Variants in COP1 observed in about 807,000 individuals in gnomAD.
The protein encoded by COP1 is COP1 E3 ubiquitin ligase.
In COP1, 24 loss-of-function variants were observed where a neutral mutation model predicts 101.3. That is an observed-to-expected ratio of 0.24 (90% CI 0.17 to 0.33). COP1 has a LOEUF of 0.33. COP1 is among the 10% of genes least tolerant of loss of function. The pLI, the probability that COP1 is intolerant of heterozygous loss-of-function variation, is 1.00. For missense variants in COP1, 663 were observed against 906.2 expected (o/e 0.73, Z 3.45); for synonymous variants, 347 against 341.9 (o/e 1.01, Z -0.17).
At chr1:176,053,003 C>G (rs1384017787) in intron 11 of COP1, among the ~76,000 whole-genome samples, 2 of 151,474 alleles carry the variant, frequency 1.3e-5, no homozygotes, top group African/African-American at 4.9e-5. Context: ...TTAAACAATG[C>G]TGGGGAAAAA....
At chr1:176,043,036 A>T in intron 14 of COP1, 150 bp downstream of exon 14, 1 of 612,484 alleles carries the variant, frequency 1.6e-6, no homozygotes, top group East Asian at 2.8e-5. Flanking sequence ...CTCAAAAAAC[A>T]AAACAAAACA....
In COP1 at chr1:176,133,184, ATACG is replaced by A. The variant is rs978525251; in HGVS notation, c.968+1822_968+1825del. ...TATACGTATGTACACACATACGTAT[ATACG>A]TACGTATATGTACGTATGTACACAC... On this transcript the variant is annotated intron_variant, in intron 8 of 19. Coordinates refer to ENST00000367669, the MANE Select transcript of COP1 (RefSeq NM_022457.7). 6.9e-5 allele frequency among the ~76,000 whole-genome samples: 9 copies of A among 130,800 alleles called. 1 individual carries two copies. The highest frequency in any genetic ancestry group is 1.2e-4 in the African/African-American group (5 of 40,264). 85.8% of individuals were successfully genotyped at this position (130,800 alleles called of 152,430 possible).
At chr1:176,198,730 T>C (rs1481461530) in intron 1 of COP1, among the ~76,000 whole-genome samples, 1 of 152,096 alleles carries the variant, frequency 6.6e-6, no homozygotes, top group African/African-American at 2.4e-5. Context: ...ACAAAAGATG[T>C]ATGCAGAATA....
At chr1:176,031,828 C>G (rs1330602044) in intron 14 of COP1, among the ~76,000 whole-genome samples, 1 of 152,136 alleles carries the variant, frequency 6.6e-6, no homozygotes, top group Non-Finnish European at 1.5e-5. Context: ...CTTAAAAAAT[C>G]CAACTACACT....
At chr1:176,036,507 CAA>C (rs77138527) in intron 14 of COP1, among the ~76,000 whole-genome samples, 5 of 127,338 alleles carry the variant, frequency 3.9e-5, no homozygotes, top group Admixed American at 7.7e-5. Context: ...AACAAAAAAA[CAA>C]AAAAAAAAAA....
chr1:175,947,149 TA>T, intron 19 of COP1, 45 bp downstream of exon 19: 2 of 1,330,950 alleles, frequency 1.5e-6, no homozygotes, highest in African/African-American at 1.4e-5. Context: ...TGTTTCAGTC[TA>T]AAAATGGGCC....
intron 5 of COP1, among the ~76,000 whole-genome samples, chr1:176,161,739 A>G (rs1255250314): frequency 6.6e-6 from 1 of 152,246 alleles, no homozygotes; most frequent in Non-Finnish European, 1.5e-5. Context: ...GGCAAACAGT[A>G]GATGCTAATA....
chr1:176,162,832 T>A (rs934711910), intron 5 of COP1, 37 bp downstream of exon 5: 39 of 1,548,080 alleles, frequency 2.5e-5, no homozygotes, highest in Non-Finnish European at 3.1e-5. Context: ...ATAAAGTTCA[T>A]CATTTAAAAT....
At chr1:176,067,818 A>C (rs1676270854) in intron 11 of COP1, among the ~76,000 whole-genome samples, 1 of 152,192 alleles carries the variant, frequency 6.6e-6, no homozygotes, top group Admixed American at 6.5e-5. Flanking sequence ...ATTCTATAAC[A>C]CATGCCCACT....
chr1:176,205,845 G>C (rs1700786159), intron 1 of COP1, among the ~76,000 whole-genome samples: 1 of 152,200 alleles, frequency 6.6e-6, no homozygotes, highest in Admixed American at 6.5e-5. Context: ...CTGTTATCCA[G>C]TATAGTACAG....
At chr1:176,052,980 T>C (rs910788515) in intron 11 of COP1, among the ~76,000 whole-genome samples, 22 of 152,088 alleles carry the variant, frequency 1.4e-4, no homozygotes, top group African/African-American at 4.6e-4. Flanking sequence ...ATTTCACTTC[T>C]AGTCTTTCAC....
chr1:176,141,667 T>A (rs1291552550), intron 6 of COP1, among the ~76,000 whole-genome samples: 1 of 151,944 alleles, frequency 6.6e-6, no homozygotes, highest in Non-Finnish European at 1.5e-5. Context: ...ATACTTCATA[T>A]CTAGTTCCTG....
At chr1:175,997,002 T>C (rs1374215864) in intron 15 of COP1, among the ~76,000 whole-genome samples, 1 of 150,978 alleles carries the variant, frequency 6.6e-6, no homozygotes, top group Non-Finnish European at 1.5e-5. Context: ...CAAACTATAC[T>C]ACAAGGCTAC....
intron 15 of COP1, among the ~76,000 whole-genome samples, chr1:176,025,678 C>A (rs1412141864): frequency 1.3e-5 from 2 of 151,846 alleles, no homozygotes; most frequent in African/African-American, 4.8e-5. Context: ...CTGCTTGAGC[C>A]CAGGAGTTTG....
chr1:176,050,787 C>T (rs1264638775), intron 11 of COP1, among the ~76,000 whole-genome samples: 1 of 152,154 alleles, frequency 6.6e-6, no homozygotes, highest in East Asian at 1.9e-4. Context: ...AGCTTCAAAT[C>T]TCCACTGTAT....
At chr1:176,025,188 A>C (rs1571759306) in intron 15 of COP1, among the ~76,000 whole-genome samples, 1 of 152,292 alleles carries the variant, frequency 6.6e-6, no homozygotes, top group East Asian at 1.9e-4. Flanking sequence ...TTTCAAAAGT[A>C]GATATTCTAA....
At chr1:176,007,934 TC>T (rs1663753988) in intron 15 of COP1, among the ~76,000 whole-genome samples, 1 of 151,026 alleles carries the variant, frequency 6.6e-6, no homozygotes, top group Non-Finnish European at 1.5e-5. Flanking sequence ...CGGGCGCCCC[TC>T]CCCCAGCCTC....
chr1:175,988,014 T>C (rs1467542871), intron 17 of COP1, among the ~76,000 whole-genome samples: 1 of 152,134 alleles, frequency 6.6e-6, no homozygotes, highest in African/African-American at 2.4e-5. Flanking sequence ...ATCTAAAGAA[T>C]TATGTTATAA....
intron 7 of COP1, 74 bp downstream of exon 7, chr1:176,136,414 C>A: frequency 3.1e-6 from 3 of 968,128 alleles, no homozygotes; most frequent in Non-Finnish European, 4.9e-6. Flanking sequence ...CTTAACACAG[C>A]AACTTAATGG....
Sources: gnomAD v4.1 joint callset for allele counts (sites outside exome capture counted in the v4.1 genomes callset) on GRCh38, gnomAD v4.1.1 for gene constraint, MANE v1.5 for transcripts, NCBI Gene and HGNC (gene_info 2026-07-23, HGNC 2026-07-21) for gene names.